Variants in GNAI1 observed in about 807,000 individuals in gnomAD.
GNAI1 encodes guanine nucleotide-binding protein G(i) subunit alpha-1.
Under a neutral mutation model 38.9 loss-of-function variants are expected in GNAI1, and 11 were observed. That is an observed-to-expected ratio of 0.28 (90% CI 0.18 to 0.47). GNAI1 has a LOEUF of 0.47. Among genes scored for constraint, GNAI1 ranks in the 20% least tolerant of loss-of-function variants. The pLI, the probability that GNAI1 is intolerant of heterozygous loss-of-function variation, is 0.99. For missense variants in GNAI1, 317 were observed against 436.9 expected, an observed-to-expected ratio of 0.73 and a Z score of 2.45; for synonymous variants, 166 against 145.1, an observed-to-expected ratio of 1.14 and a Z score of -1.04.
At chr7:80,141,261 A>T (rs1482926214) in intron 1 of GNAI1, among the ~76,000 whole-genome samples, 1 of 152,162 alleles carries the variant, frequency 6.6e-6, no homozygotes, top group Non-Finnish European at 1.5e-5. Context: ...CTCTCCCAAC[A>T]TCTCCAAAAG....
chr7:80,202,951 A>T (rs1392268000), intron 4 of GNAI1, among the ~76,000 whole-genome samples: 1 of 152,112 alleles, frequency 6.6e-6, no homozygotes. Flanking sequence ...ACCCCTCGCT[A>T]TCCATGAATC....
intron 1 of GNAI1, among the ~76,000 whole-genome samples, chr7:80,152,836 G>C (rs915933154): frequency 6.6e-5 from 10 of 151,820 alleles, no homozygotes; most frequent in African/African-American, 2.4e-4. Context: ...CTCCCAAAGT[G>C]CTGGGATTAC....
In GNAI1 at chr7:80,223,452, T is replaced by A. The variant is rs1789113341; in HGVS notation, c.*5959T>A. Among the ~76,000 whole-genome samples, 1 of 152,346 alleles carries A rather than the reference T, an allele frequency of 6.6e-6. No homozygotes were observed. The highest frequency in any genetic ancestry group is 2.1e-4 in the South Asian group (1 of 4,826). On this transcript the variant is annotated 3_prime_UTR_variant, in exon 8 of 8. Transcript: ENST00000649796. Reference sequence around the variant, plus strand: ...ACCTTGGATTTTCTGTTGTGCACTCTTGAATTTTAATTATGTTCTGTGGAA... The same window carrying A: ...ACCTTGGATTTTCTGTTGTGCACTCATGAATTTTAATTATGTTCTGTGGAA...
At chr7:80,137,713 T>A (rs1397626822) in intron 1 of GNAI1, among the ~76,000 whole-genome samples, 1 of 152,204 alleles carries the variant, frequency 6.6e-6, no homozygotes, top group Non-Finnish European at 1.5e-5. Flanking sequence ...CTTTTGGCTG[T>A]CTTTTCTAGC....
At chr7:80,217,252 G>GT in intron 7 of GNAI1, 51 bp from the exon 8 acceptor site, 2 of 1,162,280 alleles carry the variant, frequency 1.7e-6, no homozygotes, top group Non-Finnish European at 2.4e-6. Context: ...AGTATTTTAA[G>GT]CAGTTATTTT....
At chr7:80,188,852 C>CTGGGTG in intron 1 of GNAI1, 99 bp from the exon 2 acceptor site, 1 of 751,290 alleles carries the variant, frequency 1.3e-6, no homozygotes, top group Non-Finnish European at 2.3e-6. Context: ...CAGAGAGAGA[C>CTGGGTG]TGGGTGTGTG....
chr7:80,204,688 A>G (rs1225187582), intron 5 of GNAI1, among the ~76,000 whole-genome samples: 1 of 152,078 alleles, frequency 6.6e-6, no homozygotes, highest in Non-Finnish European at 1.5e-5. Flanking sequence ...TTCTTCTAAA[A>G]TGCTCCATCT....
intron 1 of GNAI1, among the ~76,000 whole-genome samples, chr7:80,177,562 GC>G (rs1788209395): frequency 6.6e-6 from 1 of 152,160 alleles, no homozygotes; most frequent in Non-Finnish European, 1.5e-5. Flanking sequence ...GTTTACTGCA[GC>G]CTTTGACTCC....
rs970454293 is a variant in GNAI1, at chr7:80,220,006, C to T, written c.*2513C>T. Reference sequence around the variant, plus strand: ...AAAATGGCATTATTAGTTAAATTCCCCACCTCCCATTTCTCTCTTCTCGAA... The same window carrying T: ...AAAATGGCATTATTAGTTAAATTCCTCACCTCCCATTTCTCTCTTCTCGAA... On this transcript the variant is annotated 3_prime_UTR_variant, in exon 8 of 8. Coordinates refer to ENST00000649796, the MANE Select transcript of GNAI1 (RefSeq NM_002069.6). Among the ~76,000 whole-genome samples the T allele has an allele frequency of 2.6e-5, 4 of 152,112 alleles. No homozygotes were observed. Among genetic ancestry groups the T allele is most frequent in the African/African-American group, 4.8e-5 (2 of 41,426 alleles).
rs1177643586 is a variant in GNAI1 at position 80,224,422 on chromosome 7, C to T, written c.*6929C>T. 6.6e-6 allele frequency among the ~76,000 whole-genome samples: 1 copy of T among 152,042 alleles called. No homozygotes were observed. Among genetic ancestry groups the T allele is most frequent in the Non-Finnish European group, 1.5e-5 (1 of 68,010 alleles). ...TAGCCATATCTTCAAAATCCAGTGT[C>T]ATTTCTTAGCCATATCTTCAAAATC... On this transcript the variant is annotated 3_prime_UTR_variant, in exon 8 of 8. Coordinates refer to ENST00000649796, the MANE Select transcript of GNAI1 (RefSeq NM_002069.6).
At chr7:80,143,813 C>A (rs1787568524) in intron 1 of GNAI1, among the ~76,000 whole-genome samples, 1 of 152,086 alleles carries the variant, frequency 6.6e-6, no homozygotes, top group Admixed American at 6.6e-5. Context: ...ATAAATACTT[C>A]AGAGACTCTG....
chr7:80,212,821 GA>G lies in GNAI1; in HGVS notation c.832del (p.Ile278SerfsTer62), dbSNP rs1244226395. 1 of 1,580,700 alleles carries G rather than the reference GA, an allele frequency of 6.3e-7. No homozygotes were observed. The highest frequency in any genetic ancestry group is 8.6e-7 in the Non-Finnish European group (1 of 1,165,850). ...TCTAAACAAGAAGGATCTCTTTGAA[GA>G]AAAAATCAAAAAGAGCCCTCTCACT... ...LFLNKKDLFEEKIKKSPLTIC... is the reference protein window; with the variant it reads ...LFLNKKDLFEXKIKKSPLTIC... On this transcript the variant is annotated frameshift_variant, in exon 7 of 8. Coordinates refer to ENST00000649796, the MANE Select transcript of GNAI1 (RefSeq NM_002069.6). LOFTEE classifies it high-confidence loss of function.
intron 4 of GNAI1, among the ~76,000 whole-genome samples, chr7:80,201,695 G>T (rs1326255927): frequency 6.6e-6 from 1 of 152,032 alleles, no homozygotes; most frequent in African/African-American, 2.4e-5. Flanking sequence ...CTGTATTCCA[G>T]CCTGGGTGAC....
At position 80,134,888 on chromosome 7, in the gene GNAI1, A is replaced by C. The variant is rs1018076067; in HGVS notation, c.-273A>C. ...GGCCACCGGCGGGAGTGCAGCGGCC[A>C]CTGTACCCAGAGATTCAAAACCCCA... On this transcript the variant is annotated 5_prime_UTR_variant, in exon 1 of 8. Coordinates refer to ENST00000649796, the MANE Select transcript of GNAI1 (RefSeq NM_002069.6). The C allele has an allele frequency of 1.0e-5, 3 of 289,724 alleles. No individual in the cohort carries two copies. Among genetic ancestry groups the C allele is most frequent in the Non-Finnish European group, 1.9e-5 (3 of 157,338 alleles). 17.9% of individuals were successfully genotyped at this position (289,724 alleles called of 1,614,324 possible).
chr7:80,182,811 A>G (rs1403669639), intron 1 of GNAI1, among the ~76,000 whole-genome samples: 1 of 152,250 alleles, frequency 6.6e-6, no homozygotes, highest in Non-Finnish European at 1.5e-5. Context: ...CGTGACAAAC[A>G]GTAAGTCCTC....
In GNAI1 at chr7:80,225,276, G is replaced by A. The variant is rs146414068; in HGVS notation, c.*7783G>A. Among the ~76,000 whole-genome samples, 1,638 of 152,266 alleles carry A rather than the reference G, an allele frequency of 0.011. 15 individuals carry two copies. Among genetic ancestry groups the A allele is most frequent in the Non-Finnish European group, 0.017 (1,144 of 68,004 alleles). ...TAAAAGAGAGACATACACATTTTAA[G>A]ATCTATACTCTAAAACAGGGTTTTG... On this transcript the variant is annotated 3_prime_UTR_variant, in exon 8 of 8. Coordinates refer to ENST00000649796, the MANE Select transcript of GNAI1 (RefSeq NM_002069.6).
chr7:80,210,870 T>A, intron 5 of GNAI1, 99 bp from the exon 6 acceptor site: 1 of 961,938 alleles, frequency 1.0e-6, no homozygotes, highest in Non-Finnish European at 1.5e-6. Flanking sequence ...TCATCAGACA[T>A]TTCCACAACT....
chr7:80,197,465 C>T (rs1033654684), intron 3 of GNAI1, among the ~76,000 whole-genome samples: 5 of 151,778 alleles, frequency 3.3e-5, no homozygotes, highest in Non-Finnish European at 5.9e-5. Context: ...TGAATGAAGA[C>T]GTCGTAATGA....
chr7:80,199,114 CAAAG>C (rs1238244497), intron 3 of GNAI1, 107 bp from the exon 4 acceptor site: 7 of 741,382 alleles, frequency 9.4e-6, no homozygotes, highest in East Asian at 2.7e-5. Flanking sequence ...TTAATAAAAA[CAAAG>C]GAAGTTCGCT....
Sources: gnomAD v4.1 joint callset for allele counts (sites outside exome capture counted in the v4.1 genomes callset) on GRCh38, gnomAD v4.1.1 for gene constraint, MANE v1.5 for transcripts, NCBI Gene and HGNC (gene_info 2026-07-23, HGNC 2026-07-21) for gene names.